Variants in CSPP1 observed in about 807,000 individuals in gnomAD.
The protein encoded by CSPP1 is centrosome and spindle pole-associated protein 1.
Under a neutral mutation model 164.4 loss-of-function variants are expected in CSPP1, and 126 were observed. That is an observed-to-expected ratio of 0.77 (90% confidence interval 0.66 to 0.89). CSPP1 has a LOEUF of 0.89. Among genes scored for constraint, CSPP1 ranks in the 40% least tolerant of loss-of-function variants. The probability of loss-of-function intolerance (pLI) is 0.00; values close to 1 mark genes in which losing one functional copy is unlikely to be tolerated. For synonymous variants in CSPP1, 472 were observed against 476.7 expected, an observed-to-expected ratio of 0.99 and a Z score of 0.13; for missense variants, 1,395 against 1,449.8, an observed-to-expected ratio of 0.96 and a Z score of 0.61.
At chr8:67,098,856 A>G (rs1011349902) in intron 7 of CSPP1, among the ~76,000 whole-genome samples, 1 of 152,052 alleles carries the variant, frequency 6.6e-6, no homozygotes, top group Non-Finnish European at 1.5e-5. Flanking sequence ...GGGGTTGATA[A>G]TAGAAAACAC....
chr8:67,074,455 T>G, intron 2 of CSPP1, 104 bp downstream of exon 2: 3 of 629,802 alleles, frequency 4.8e-6, no homozygotes, highest in Non-Finnish European at 8.0e-6. Flanking sequence ...GAATCTTCTG[T>G]TTTGTAGTAT....
chr8:67,184,850 A>C (rs964134711), intron 28 of CSPP1, among the ~76,000 whole-genome samples: 1 of 149,870 alleles, frequency 6.7e-6, no homozygotes, highest in African/African-American at 2.4e-5. Context: ...CTGTAATCCC[A>C]GCACTTTGGG....
At chr8:67,092,813 AT>A (rs1811906637) in intron 5 of CSPP1, among the ~76,000 whole-genome samples, 1 of 152,136 alleles carries the variant, frequency 6.6e-6, no homozygotes, top group South Asian at 2.1e-4. Flanking sequence ...ATTTAAGAAC[AT>A]TTTTTAATCA....
intron 7 of CSPP1, among the ~76,000 whole-genome samples, chr8:67,098,762 T>A (rs1813390093): frequency 6.6e-6 from 1 of 152,010 alleles, no homozygotes; most frequent in Non-Finnish European, 1.5e-5. Flanking sequence ...ATATTTTACT[T>A]TATTATCTTT....
chr8:67,150,849 A>G (rs1825574229), intron 18 of CSPP1, among the ~76,000 whole-genome samples: 1 of 152,244 alleles, frequency 6.6e-6, no homozygotes. Context: ...ATAAAATTTA[A>G]TACAGCACCT....
At chr8:67,146,242 C>T (rs1824536893) in intron 17 of CSPP1, among the ~76,000 whole-genome samples, 1 of 151,626 alleles carries the variant, frequency 6.6e-6, no homozygotes, top group Admixed American at 6.6e-5. Flanking sequence ...CCCGCCTCAG[C>T]TCCCCCAAGT....
intron 7 of CSPP1, among the ~76,000 whole-genome samples, chr8:67,101,269 C>T (rs1814055191): frequency 6.6e-6 from 1 of 152,126 alleles, no homozygotes; most frequent in Non-Finnish European, 1.5e-5. Flanking sequence ...TTAGCATAAA[C>T]TATAGTTTGT....
Position 67,149,795 on chromosome 8 carries a change from G to C in CSPP1, c.1988G>C (p.Arg663Thr), listed in dbSNP as rs1825337711. 6.3e-7 allele frequency: 1 copy of C among 1,578,758 alleles called. No individual in the cohort carries two copies. The highest frequency in any genetic ancestry group is 1.4e-5 in the African/African-American group (1 of 73,008). The part of the protein sequence containing the change: ...AKGNLITDLN[R>T]MHRQNIDAYH... The stretch of plus-strand genomic sequence containing the variant: ...TTTTTCCTCTCAGCTGATTTGAATA[G>C]GATGCACAGACAAAATATAGATGCC... Residue 663 changes from arginine to threonine, a missense_variant, in exon 18 of 31, where the codon AGG becomes ACG. Arg to Thr is a moderately conservative substitution (Grantham distance 71). Coordinates refer to ENST00000678616, the MANE Select transcript of CSPP1 (RefSeq NM_001382391.1).
intron 3 of CSPP1, among the ~76,000 whole-genome samples, chr8:67,078,519 T>A (rs950062428): frequency 6.6e-6 from 1 of 152,048 alleles, no homozygotes; most frequent in Non-Finnish European, 1.5e-5. Context: ...AACTTTTTTT[T>A]ATATACATAT....
At chr8:67,148,818 T>C (rs1825124392) in intron 17 of CSPP1, among the ~76,000 whole-genome samples, 1 of 152,234 alleles carries the variant, frequency 6.6e-6, no homozygotes, top group Non-Finnish European at 1.5e-5. Flanking sequence ...ATCATTCAGT[T>C]CTGTTTTTGA....
chr8:67,100,133 A>G (rs1191411421), intron 7 of CSPP1, among the ~76,000 whole-genome samples: 1 of 152,132 alleles, frequency 6.6e-6, no homozygotes, highest in African/African-American at 2.4e-5. Flanking sequence ...GTGGACTTTT[A>G]TAATCTTGTT....
In CSPP1 at chr8:67,195,829, T is replaced by C; in HGVS notation, c.*236T>C. 2.1e-6 allele frequency: 1 copy of C among 476,616 alleles called. No individual in the cohort carries two copies. Among genetic ancestry groups the C allele is most frequent in the Non-Finnish European group, 3.8e-6 (1 of 265,102 alleles). 29.5% of individuals were successfully genotyped at this position (476,616 alleles called of 1,614,324 possible). On this transcript the variant is annotated 3_prime_UTR_variant, in exon 31 of 31. Coordinates refer to ENST00000678616, the MANE Select transcript of CSPP1 (RefSeq NM_001382391.1). ...TGCACAGTTTTGTCATAAATTAGGG[T>C]GGTAATGAACTGGATTGAACTACTA...
chr8:67,178,978 A>T (rs1416372511), intron 27 of CSPP1, among the ~76,000 whole-genome samples: 1 of 152,214 alleles, frequency 6.6e-6, no homozygotes, highest in Non-Finnish European at 1.5e-5. Context: ...AGGCTATTGT[A>T]GTAATTTAGG....
At chr8:67,092,584 C>T (rs1811842467) in intron 5 of CSPP1, among the ~76,000 whole-genome samples, 1 of 152,116 alleles carries the variant, frequency 6.6e-6, no homozygotes, top group Non-Finnish European at 1.5e-5. Flanking sequence ...GGCAGGATTA[C>T]AGGCCCCTGC....
At chr8:67,154,220 A>G (rs1030581731) in intron 19 of CSPP1, 84 bp downstream of exon 19, 2 of 685,430 alleles carry the variant, frequency 2.9e-6, no homozygotes, top group Non-Finnish European at 5.2e-6. Context: ...GATAAATACT[A>G]AATTCTAAAA....
At chr8:67,192,032 A>C (rs898440749) in intron 29 of CSPP1, among the ~76,000 whole-genome samples, 6 of 148,372 alleles carry the variant, frequency 4.0e-5, no homozygotes, top group Admixed American at 2.0e-4. Flanking sequence ...ATATTTTCTT[A>C]GGAGATATGT....
chr8:67,124,875 C>T (rs1037383845), intron 15 of CSPP1, among the ~76,000 whole-genome samples: 1 of 151,946 alleles, frequency 6.6e-6, no homozygotes, highest in African/African-American at 2.4e-5. Context: ...AGACAGGCGT[C>T]TCTCTGTGTA....
chr8:67,195,748 CATAA>C lies in CSPP1; in HGVS notation c.*161_*164del, dbSNP rs577603880. On this transcript the variant is annotated 3_prime_UTR_variant, in exon 31 of 31. Coordinates refer to ENST00000678616, the MANE Select transcript of CSPP1 (RefSeq NM_001382391.1). Reference sequence around the variant, plus strand: ...TTTTTATCATGATGTATATTATGTACATAAATAAAAGGCCATGATTATTGATTTA... The same window carrying C: ...TTTTTATCATGATGTATATTATGTACATAAAAGGCCATGATTATTGATTTA... The C allele has an allele frequency of 3.0e-4, 184 of 613,210 alleles. No individual in the cohort carries two copies. The highest frequency in any genetic ancestry group is 3.4e-4 in the Non-Finnish European group (117 of 343,742). The allele number at this position is 613,210 out of a possible 1,614,324, so 38.0% of individuals were successfully genotyped here. A position where few individuals can be genotyped will look rare whatever the true frequency, so the allele number is the denominator to read the frequency against.
In CSPP1 at chr8:67,144,451, G is replaced by GT. The variant is rs377279665; in HGVS notation, c.1976-5326dup. Among the ~76,000 whole-genome samples, 120 of 151,956 alleles carry GT rather than the reference G, an allele frequency of 7.9e-4. 1 individual carries two copies. Among genetic ancestry groups the GT allele is most frequent in the African/African-American group, 2.7e-3 (111 of 41,496 alleles). ...TGAATTGGGAAATGTTTTTTCTTTT[G>GT]TTTTTTGAGACAGAGTCTTGCTCTG... is the stretch of plus-strand genomic sequence containing the variant. On this transcript the variant is annotated intron_variant, in intron 17 of 30. Coordinates refer to ENST00000678616, the MANE Select transcript of CSPP1 (RefSeq NM_001382391.1).
Sources: allele counts gnomAD v4.1 joint callset (sites outside exome capture counted in the v4.1 genomes callset), GRCh38; gene constraint gnomAD v4.1.1; transcripts MANE v1.5; gene names NCBI Gene and HGNC (gene_info 2026-07-23, HGNC 2026-07-21).